SPEF2: variants seen among roughly 807,000 people sequenced by gnomAD.
SPEF2 encodes the protein sperm flagellar and cilia associated 2, also known as sperm flagella and cilia-associated protein 2.
In SPEF2, 187 loss-of-function variants were observed where a neutral mutation model predicts 224.6. The ratio of observed to expected loss-of-function variants is 0.83; its 90% confidence interval spans 0.74 to 0.94. The LOEUF is 0.94. Among genes scored for constraint, SPEF2 ranks in the 40% least tolerant of loss-of-function variants. The pLI is 0.00. For synonymous variants in SPEF2, 715 were observed against 707.3 expected (o/e 1.01, Z -0.17); for missense variants, 2,170 against 2,135.6 (o/e 1.02, Z -0.32).
intron 2 of SPEF2, among the ~76,000 whole-genome samples, chr5:35,636,163 A>G (rs1024869511): frequency 1.1e-4 from 17 of 152,224 alleles, no homozygotes; most frequent in Middle Eastern, 3.4e-3. Context: ...TGTAAAGTCT[A>G]TGTTCCCTCT....
At chr5:35,795,231 C>G (rs1580764299) in intron 32 of SPEF2, among the ~76,000 whole-genome samples, 1 of 151,842 alleles carries the variant, frequency 6.6e-6, no homozygotes, top group East Asian at 1.9e-4. Context: ...AAAGAGTTTT[C>G]TAAAACTAGC....
At chr5:35,670,973 C>T in intron 10 of SPEF2, 1 of 985,368 alleles carries the variant, frequency 1.0e-6, no homozygotes, top group African/African-American at 1.7e-5. Context: ...CACCATCCTA[C>T]TCTCCCCATC....
chr5:35,654,426 A>G (rs1748673673), intron 6 of SPEF2, 114 bp from the exon 7 acceptor site: 2 of 788,072 alleles, frequency 2.5e-6, no homozygotes, highest in Admixed American at 6.9e-5. Flanking sequence ...TGTATTAATA[A>G]ATTAACAGTG....
chr5:35,671,386 AATT>A (rs1196596953), intron 10 of SPEF2: 1 of 965,616 alleles, frequency 1.0e-6, no homozygotes, highest in Non-Finnish European at 1.2e-6. Context: ...GCACTAAGAG[AATT>A]ATTATTAAGG....
rs1755537171 is a variant in SPEF2, at chr5:35,697,746, G to A, written c.2094G>A (p.Lys698=). 1.2e-6 allele frequency: 2 copies of A among 1,613,376 alleles called. No homozygotes were observed. Among genetic ancestry groups the A allele is most frequent in the African/African-American group, 1.3e-5 (1 of 75,024 alleles). The part of the protein sequence containing the change: ...AKSEQLLKKG[K]SIPDVLLVDI... ...CAGAACAGTTGCTGAAGAAAGGAAA[G>A]AGCATTCCTGATGTGCTGCTTGTTG... The change falls in exon 15 of 37, where the codon AAG becomes AAA. Residue 698 remains lysine, a synonymous_variant. Coordinates refer to ENST00000356031, the MANE Select transcript of SPEF2 (RefSeq NM_024867.4).
intron 34 of SPEF2, among the ~76,000 whole-genome samples, chr5:35,802,879 C>A (rs1415484046): frequency 1.3e-5 from 2 of 152,152 alleles, no homozygotes; most frequent in Non-Finnish European, 2.9e-5. Context: ...TGGAAGGGTG[C>A]AGTCACCTGG....
At position 35,692,619 on chromosome 5, in the gene SPEF2, C is replaced by T. The variant is rs895810654; in HGVS notation, c.1794C>T (p.Ile598=). 4 of 1,613,562 alleles carry T rather than the reference C, an allele frequency of 2.5e-6. No homozygotes were observed. Among genetic ancestry groups the T allele is most frequent in the Non-Finnish European group, 3.4e-6 (4 of 1,179,644 alleles). Residue 598 remains isoleucine, a synonymous_variant, in exon 12 of 37, where the codon ATC becomes ATT. Coordinates refer to ENST00000356031, the MANE Select transcript of SPEF2 (RefSeq NM_024867.4). The part of the protein sequence containing the change: ...LSIDTLVQEA[I]QAFHDNEKVS... The stretch of plus-strand genomic sequence containing the variant: ...TTGACACTCTTGTCCAAGAAGCTAT[C>T]CAAGCATTTCATGACAATGAAAAAG...
At chr5:35,802,643 T>C (rs1043316920) in intron 34 of SPEF2, among the ~76,000 whole-genome samples, 4 of 151,038 alleles carry the variant, frequency 2.6e-5, no homozygotes, top group African/African-American at 9.7e-5. Flanking sequence ...CCAAAGAAGG[T>C]GAGGGGGAGA....
At chr5:35,747,331 T>C (rs1274880015) in intron 23 of SPEF2, among the ~76,000 whole-genome samples, 1 of 152,180 alleles carries the variant, frequency 6.6e-6, no homozygotes, top group Non-Finnish European at 1.5e-5. Flanking sequence ...CAATGGTACC[T>C]CACATTTCAA....
At chr5:35,681,424 A>G (rs1752783747) in intron 10 of SPEF2, among the ~76,000 whole-genome samples, 1 of 152,168 alleles carries the variant, frequency 6.6e-6, no homozygotes, top group African/African-American at 2.4e-5. Context: ...GTTAGTATAA[A>G]ATTAAGAATT....
At chr5:35,633,350 C>A (rs1745388612) in intron 2 of SPEF2, among the ~76,000 whole-genome samples, 1 of 151,862 alleles carries the variant, frequency 6.6e-6, no homozygotes, top group African/African-American at 2.4e-5. Context: ...ATTGTTATGT[C>A]TTCTTGAGGG....
At chr5:35,762,024 C>T (rs1424199686) in intron 25 of SPEF2, among the ~76,000 whole-genome samples, 2 of 152,088 alleles carry the variant, frequency 1.3e-5, no homozygotes, top group Admixed American at 6.5e-5. Flanking sequence ...ATTTTGTCCG[C>T]TTTATTCTTC....
At chr5:35,707,464 C>T (rs1740014086) in intron 18 of SPEF2, among the ~76,000 whole-genome samples, 1 of 152,254 alleles carries the variant, frequency 6.6e-6, no homozygotes, top group Non-Finnish European at 1.5e-5. Flanking sequence ...TTCAAAAGAA[C>T]ATCTAATAGA....
intron 7 of SPEF2, 69 bp downstream of exon 7, chr5:35,654,795 T>A: frequency 7.4e-7 from 1 of 1,360,254 alleles, no homozygotes; most frequent in Non-Finnish European, 1.0e-6. Flanking sequence ...TCTATACACA[T>A]AATATGTAGT....
chr5:35,687,595 T>C (rs1753825716), intron 10 of SPEF2, among the ~76,000 whole-genome samples: 1 of 152,142 alleles, frequency 6.6e-6, no homozygotes. Flanking sequence ...GACCTCGTGA[T>C]CTGCCCACCT....
intron 12 of SPEF2, 48 bp downstream of exon 12, chr5:35,692,772 T>C (rs760060948): frequency 1.3e-6 from 2 of 1,564,832 alleles, no homozygotes; most frequent in Non-Finnish European, 1.7e-6. Context: ...CATTAGAGAT[T>C]TGGAGCTGGA....
chr5:35,813,016 G>A (rs1017628684), intron 36 of SPEF2, among the ~76,000 whole-genome samples: 2 of 152,190 alleles, frequency 1.3e-5, no homozygotes, highest in East Asian at 1.9e-4. Context: ...TGTGGTCCCT[G>A]ATTTCAGCTA....
chr5:35,763,667 A>G lies in SPEF2; in HGVS notation c.3766A>G (p.Thr1256Ala), dbSNP rs759624909. The change falls in exon 26 of 37, where the codon ACC (threonine) becomes GCC (alanine). Residue 1256 changes from threonine (T) to alanine (A), a missense_variant. Physicochemically the swap from Thr to Ala is moderately conservative, Grantham distance 58. Coordinates refer to ENST00000356031, the MANE Select transcript of SPEF2 (RefSeq NM_024867.4). ...GGCCGATGAAAAGTTGGTCATGGACACCTGGCAGCAGGCTTCTTTAGCAGT... is the reference window on the plus strand; with the variant it reads ...GGCCGATGAAAAGTTGGTCATGGACGCCTGGCAGCAGGCTTCTTTAGCAGT... ...FEADEKLVMDTWQQASLAVSH... is the reference protein window; with the variant it reads ...FEADEKLVMDAWQQASLAVSH... 2 of 1,613,024 alleles carry G rather than the reference A, an allele frequency of 1.2e-6. No individual in the cohort carries two copies. Among genetic ancestry groups the G allele is most frequent in the South Asian group, 2.2e-5 (2 of 90,752 alleles).
At chr5:35,767,692 A>G (rs1453770993) in intron 26 of SPEF2, among the ~76,000 whole-genome samples, 2 of 152,150 alleles carry the variant, frequency 1.3e-5, no homozygotes, top group Non-Finnish European at 2.9e-5. Context: ...TAGCCCAAAT[A>G]TATCTACAAC....
Sources: gnomAD v4.1 joint callset for allele counts (sites outside exome capture counted in the v4.1 genomes callset) on GRCh38, gnomAD v4.1.1 for gene constraint, MANE v1.5 for transcripts, NCBI Gene and HGNC (gene_info 2026-07-23, HGNC 2026-07-21) for gene names.